Variants in ARHGAP39 observed in about 807,000 individuals in gnomAD.
The protein encoded by ARHGAP39 is Rho GTPase activating protein 39, also known as rho GTPase-activating protein 39.
ARHGAP39 carries 44 observed loss-of-function variants against 106.9 expected under a neutral mutation model. The observed-to-expected ratio is 0.41, with a 90% confidence interval of 0.32 to 0.53. The LOEUF is 0.53. Ranked by LOEUF, ARHGAP39 falls within the 20% of genes least tolerant of loss-of-function variation. The pLI is 0.21. For missense variants in ARHGAP39, 1,496 were observed against 1,577.3 expected (o/e 0.95, Z 0.87); for synonymous variants, 768 against 693.2 (o/e 1.11, Z -1.69).
rs912156660 is a variant in ARHGAP39, at chr8:144,547,016, G to A, written c.1959+111C>T. The stretch of plus-strand genomic sequence containing the variant: ...GAGACACGGGGCTTCAGAACTCTGC[G>A]TGCTGCGTGCACGCCCTGGACGCCA... On this transcript the variant is annotated intron_variant, in intron 5 of 11. Coordinates refer to ENST00000377307, the MANE Select transcript of ARHGAP39 (RefSeq NM_025251.3). This position sits in a 1 kb window ranked among gnomAD's most constrained non-coding sequence, Gnocchi z 5.2. 1.7e-5 allele frequency: 22 copies of A among 1,320,776 alleles called. No homozygotes were observed. In the South Asian group the frequency reaches 2.0e-4, roughly 12 times the overall value. The allele number at this position is 1,320,776 out of a possible 1,614,324, so 81.8% of individuals were successfully genotyped here.
chr8:144,530,861 C>T lies in ARHGAP39; in HGVS notation c.2991G>A (p.Leu997=), dbSNP rs1352748910. 1.2e-6 allele frequency: 2 copies of T among 1,609,194 alleles called. No individual in the cohort carries two copies. The highest frequency in any genetic ancestry group is 1.7e-6 in the Non-Finnish European group (2 of 1,179,104). The change falls in exon 11 of 12, where the codon CTG becomes CTA. Residue 997 remains leucine (L), a synonymous_variant. Transcript: ENST00000377307. ...LEDPHVPASL[L]KLWYRELEEP... ...CCTCCAGCTCCCGGTACCACAGCTTCAGCAGGGACGCTGGGGACACAGCAC... is the reference window on the plus strand; with the variant it reads ...CCTCCAGCTCCCGGTACCACAGCTTTAGCAGGGACGCTGGGGACACAGCAC...
intron 1 of ARHGAP39, among the ~76,000 whole-genome samples, chr8:144,682,623 C>A (rs887023775): frequency 2.0e-5 from 3 of 151,960 alleles, no homozygotes; most frequent in Non-Finnish European, 4.4e-5. Context: ...GCTGGTGATT[C>A]CACCTTCTCA....
chr8:144,557,657 T>C (rs1817992590), intron 3 of ARHGAP39, among the ~76,000 whole-genome samples: 1 of 151,742 alleles, frequency 6.6e-6, no homozygotes, highest in Non-Finnish European at 1.5e-5. Flanking sequence ...ACCTTCGTAG[T>C]ATTCAGAGGC....
At chr8:144,693,919 AGGG>A in the ARHGAP39 span, among the ~76,000 whole-genome samples, 1 of 152,098 alleles carries the variant, frequency 6.6e-6, no homozygotes, top group Non-Finnish European at 1.5e-5. Context: ...AGTCAGGCAA[AGGG>A]GGGAGGGAGA....
chr8:144,695,612 G>A, the ARHGAP39 span, among the ~76,000 whole-genome samples: 1 of 152,176 alleles, frequency 6.6e-6, no homozygotes, highest in African/African-American at 2.4e-5. Flanking sequence ...AGCGCTCAAA[G>A]TTCTCTCGGC....
At chr8:144,638,059 G>A (rs1176609072) in intron 1 of ARHGAP39, among the ~76,000 whole-genome samples, 1 of 152,078 alleles carries the variant, frequency 6.6e-6, no homozygotes, top group Non-Finnish European at 1.5e-5. Flanking sequence ...CATCTTTAAT[G>A]ATGGTCTGTT....
In ARHGAP39 at chr8:144,685,754, C is replaced by CT. The variant is rs1302273514; in HGVS notation, c.-151_-150insA. 6.8e-6 allele frequency among the ~76,000 whole-genome samples: 1 copy of CT among 147,778 alleles called. No homozygotes were observed. The highest frequency in any genetic ancestry group is 2.4e-5 in the African/African-American group (1 of 40,998). ...GGCCCGCGCGACGCGCGTGAGCCAG[C>CT]CGCCGCTCCCCGGCCTCTCTGCTGC... On this transcript the variant is annotated 5_prime_UTR_variant, in exon 1 of 12. Coordinates refer to ENST00000377307, the MANE Select transcript of ARHGAP39 (RefSeq NM_025251.3).
intron 3 of ARHGAP39, among the ~76,000 whole-genome samples, chr8:144,561,615 G>A (rs569937867): frequency 6.8e-6 from 1 of 147,794 alleles, no homozygotes; most frequent in South Asian, 2.1e-4. Context: ...CGCTCCAGTG[G>A]TTTCCATCGG....
intron 3 of ARHGAP39, among the ~76,000 whole-genome samples, chr8:144,578,984 C>T (rs1234078034): frequency 4.0e-5 from 6 of 151,704 alleles, no homozygotes; most frequent in South Asian, 2.1e-4. Context: ...GGGTGGATCA[C>T]GAGGTCAGGA....
chr8:144,564,775 G>GTC (rs1192848460), intron 3 of ARHGAP39, among the ~76,000 whole-genome samples: 1 of 150,916 alleles, frequency 6.6e-6, no homozygotes, highest in Non-Finnish European at 1.5e-5. Flanking sequence ...GAGGCCAGGA[G>GTC]TCTGAGACCA....
chr8:144,553,134 G>A (rs1817780818), intron 4 of ARHGAP39, among the ~76,000 whole-genome samples: 1 of 152,214 alleles, frequency 6.6e-6, no homozygotes, highest in Admixed American at 6.5e-5. Flanking sequence ...CTCCTGGTGG[G>A]AGTCCAGGTT....
At chr8:144,624,034 C>T (rs1487088058) in intron 1 of ARHGAP39, among the ~76,000 whole-genome samples, 2 of 152,226 alleles carry the variant, frequency 1.3e-5, no homozygotes, top group African/African-American at 2.4e-5. Flanking sequence ...GGAGCAGCCT[C>T]GTGCTGCAAA....
chr8:144,601,054 G>A (rs1586599068), intron 2 of ARHGAP39, among the ~76,000 whole-genome samples: 1 of 146,476 alleles, frequency 6.8e-6, no homozygotes, highest in Non-Finnish European at 1.5e-5. Context: ...GCACATGGAG[G>A]CGTGCGTGCG....
intron 3 of ARHGAP39, among the ~76,000 whole-genome samples, chr8:144,561,806 G>A (rs1000366585): frequency 7.5e-6 from 1 of 133,880 alleles, no homozygotes; most frequent in South Asian, 2.3e-4. Flanking sequence ...GGACCCCAGT[G>A]CTTTCCATCA....
chr8:144,549,700 G>A (rs1817623771), intron 4 of ARHGAP39, among the ~76,000 whole-genome samples: 1 of 152,052 alleles, frequency 6.6e-6, no homozygotes, highest in Non-Finnish European at 1.5e-5. Context: ...TCACCGTGTT[G>A]GCCAGGCTGG....
chr8:144,534,302 T>A, intron 7 of ARHGAP39, 100 bp from the exon 8 acceptor site: 1 of 1,363,998 alleles, frequency 7.3e-7, no homozygotes, highest in Non-Finnish European at 1.0e-6. Context: ...CCTGGGGGGC[T>A]GGGCTGGCCT....
intron 8 of ARHGAP39, among the ~76,000 whole-genome samples, chr8:144,533,920 C>T (rs1816836782): frequency 6.6e-6 from 1 of 152,108 alleles, no homozygotes; most frequent in Non-Finnish European, 1.5e-5. Flanking sequence ...AGCTGGGGGT[C>T]CGGGCCCAGG....
Position 144,581,156 on chromosome 8 carries a change from G to C in ARHGAP39, c.202C>G (p.Gln68Glu). The C allele has an allele frequency of 6.4e-7, 1 of 1,574,288 alleles. No individual in the cohort carries two copies. The highest frequency in any genetic ancestry group is 8.6e-7 in the Non-Finnish European group (1 of 1,160,626). ...GVRIKRTSEN[Q>E]WWELFDPNTS... ...TTGGGGTCGAACAGCTCCCACCACTGGTTCTCGCTGGTGCGCTTGATGCGG... is the reference window on the plus strand; with the variant it reads ...TTGGGGTCGAACAGCTCCCACCACTCGTTCTCGCTGGTGCGCTTGATGCGG... Residue 68 changes from glutamine (Q) to glutamate (E), a missense_variant, in exon 3 of 12, where the codon CAG (glutamine) becomes GAG (glutamate). Gln to Glu is a conservative substitution (Grantham distance 29). Transcript: ENST00000377307.
chr8:144,603,281 GTGTGTGCGTGCTCGTGTATC>G (rs1321775127), intron 2 of ARHGAP39, among the ~76,000 whole-genome samples: 185 of 150,922 alleles, frequency 1.2e-3, no homozygotes, highest in Admixed American at 3.0e-3. Flanking sequence ...GCGTGGAGGT[GTGTGTGCGTGCTCGTGTATC>G]TGTGTGTGTG....
Sources: allele counts gnomAD v4.1 joint callset (sites outside exome capture counted in the v4.1 genomes callset), GRCh38; gene constraint gnomAD v4.1.1; non-coding constraint Gnocchi (gnomAD v3.1); transcripts MANE v1.5; gene names NCBI Gene and HGNC (gene_info 2026-07-23, HGNC 2026-07-21).